TTC23L: variants seen among roughly 807,000 people sequenced by gnomAD.
TTC23L encodes the protein tetratricopeptide repeat protein 23-like.
A neutral mutation model predicts 48.1 loss-of-function variants in TTC23L; 42 were observed. The ratio of observed to expected loss-of-function variants is 0.87; its 90% CI spans 0.68 to 1.13. TTC23L has a LOEUF of 1.13. Among genes scored for constraint, TTC23L ranks in the 50% most tolerant of loss-of-function variants. TTC23L has a pLI of 0.00. For synonymous variants in TTC23L, 159 were observed against 157.2 expected (o/e 1.01, Z -0.09); for missense variants, 391 against 421.0 (o/e 0.93, Z 0.62).
chr5:34,905,799 T>C, the TTC23L span: 1 of 152,150 alleles, frequency 6.6e-6, no homozygotes, highest in Admixed American at 6.5e-5. Context: ...AGTTAAACTT[T>C]TATTAAAGTA....
At chr5:34,886,920 A>G (rs1422629926) in intron 9 of TTC23L, among the ~76,000 whole-genome samples, 6 of 152,216 alleles carry the variant, frequency 3.9e-5, no homozygotes, top group African/African-American at 1.4e-4. Flanking sequence ...TTTCCCTTCC[A>G]GAGAGCTCAT....
the TTC23L span, among the ~76,000 whole-genome samples, chr5:34,912,559 T>C: frequency 9.2e-5 from 14 of 152,328 alleles, no homozygotes; most frequent in African/African-American, 3.1e-4. Flanking sequence ...GAGAACTATA[T>C]TGAATTTTTC....
intron 4 of TTC23L, among the ~76,000 whole-genome samples, chr5:34,854,977 T>G (rs1278113127): frequency 1.3e-5 from 2 of 151,026 alleles, no homozygotes; most frequent in African/African-American, 2.4e-5. Flanking sequence ...AAGGGGGAGG[T>G]GGATTCAAGG....
downstream of TTC23L, chr5:34,902,376 A>G (rs1261317622): frequency 2.7e-6 from 1 of 377,128 alleles, no homozygotes; most frequent in Admixed American, 2.7e-5. Context: ...AGATTGTGCC[A>G]TTGCAGTCCA....
the TTC23L span, chr5:34,913,724 T>C: frequency 1.8e-5 from 11 of 601,042 alleles, no homozygotes; most frequent in Non-Finnish European, 3.3e-5. Context: ...CAAAACATCT[T>C]AGAGACATCC....
At chr5:34,872,685 G>A (rs1761548332) in intron 8 of TTC23L, among the ~76,000 whole-genome samples, 1 of 152,120 alleles carries the variant, frequency 6.6e-6, no homozygotes, top group East Asian at 1.9e-4. Context: ...GATTATAATT[G>A]TAAAAAATAA....
At chr5:34,924,481 AT>A in the TTC23L span, among the ~76,000 whole-genome samples, 5 of 152,216 alleles carry the variant, frequency 3.3e-5, no homozygotes, top group Admixed American at 2.0e-4. Flanking sequence ...TTAGGGATTG[AT>A]TTAAGTTTCA....
At chr5:34,850,289 T>C (rs765219277) in exon 4 of TTC23L, 1 of 1,613,692 alleles carries the variant, frequency 6.2e-7, no homozygotes, top group Non-Finnish European at 8.5e-7. Context: ...ACCTAGCTTA[T>C]GGCTACTTGA....
chr5:34,872,127 AAAAAAG>A (rs1207227091), intron 8 of TTC23L, among the ~76,000 whole-genome samples: 2 of 151,942 alleles, frequency 1.3e-5, no homozygotes, highest in African/African-American at 2.4e-5. Context: ...CAAAAAAAAA[AAAAAAG>A]AAGAAGAAGC....
At chr5:34,867,972 T>C (rs190139378) in intron 7 of TTC23L, 27 of 152,292 alleles carry the variant, frequency 1.8e-4, no homozygotes, top group Middle Eastern at 3.4e-3. Flanking sequence ...AAACAATAAA[T>C]AGCAGTGTTT....
chr5:34,914,438 T>C, the TTC23L span: 1 of 473,702 alleles, frequency 2.1e-6, no homozygotes, highest in Non-Finnish European at 3.8e-6. Context: ...CCTAGTTTAA[T>C]AAACTTTAGT....
intron 4 of TTC23L, among the ~76,000 whole-genome samples, chr5:34,850,537 C>T (rs533599917): frequency 1.2e-4 from 18 of 152,286 alleles, no homozygotes; most frequent in African/African-American, 2.9e-4. Context: ...CCAAACTGGT[C>T]TCATTAGTCC....
downstream of TTC23L, among the ~76,000 whole-genome samples, chr5:34,900,793 CGA>C (rs1203368116): frequency 3.9e-5 from 6 of 152,174 alleles, no homozygotes; most frequent in African/African-American, 1.2e-4. Flanking sequence ...TTAAGAATCT[CGA>C]GAGAGTACTT....
chr5:34,899,836 A>G (rs1351735205), downstream of TTC23L, among the ~76,000 whole-genome samples: 3 of 152,158 alleles, frequency 2.0e-5, no homozygotes, highest in East Asian at 1.9e-4. Context: ...GTTGCAGTGA[A>G]CTGGGATCAT....
intron 7 of TTC23L, 46 bp downstream of exon 7, chr5:34,867,115 C>T: frequency 1.3e-6 from 2 of 1,574,686 alleles, no homozygotes; most frequent in Non-Finnish European, 1.7e-6. Flanking sequence ...TTGTTTGGCC[C>T]CAGGCTTGGT....
chr5:34,922,158 ATTACT>A, the TTC23L span: 14 of 966,626 alleles, frequency 1.4e-5, no homozygotes, highest in Admixed American at 1.5e-4. Flanking sequence ...ATCACATATA[ATTACT>A]TTAGTTCTCA....
At chr5:34,919,865 G>C in the TTC23L span, 180 of 1,196,350 alleles carry the variant, frequency 1.5e-4, no homozygotes, top group East Asian at 3.5e-3. Context: ...GTAAGGATAA[G>C]CTATTTGTGA....
At chr5:34,918,510 C>T in the TTC23L span, 2 of 1,176,598 alleles carry the variant, frequency 1.7e-6, no homozygotes, top group East Asian at 2.6e-5. Context: ...AAATTTCTAT[C>T]TATAAACTTA....
chr5:34,862,848 A>G (rs769412329), intron 4 of TTC23L, 50 bp from the exon 5 acceptor site: 3 of 1,606,540 alleles, frequency 1.9e-6, no homozygotes, highest in South Asian at 2.2e-5. Context: ...TGACTGAAGC[A>G]TGCCTTTTTA....
Sources: allele counts gnomAD v4.1 joint callset (sites outside exome capture counted in the v4.1 genomes callset), GRCh38; gene constraint gnomAD v4.1.1; transcripts MANE v1.5; gene names NCBI Gene and HGNC (gene_info 2026-07-23, HGNC 2026-07-21).